The following ASIC2 variants were observed in gnomAD, a reference collection of about 807,000 sequenced individuals.
ASIC2 encodes acid-sensing ion channel 2.
A neutral mutation model predicts 57.3 loss-of-function variants in ASIC2; 25 were observed. The observed-to-expected ratio is 0.44, with a 90% CI of 0.32 to 0.61. The LOEUF (loss-of-function observed/expected upper bound fraction) is 0.61, where lower values mean the gene tolerates loss of function less well. Among genes scored for constraint, ASIC2 ranks in the 20% least tolerant of loss-of-function variants. The pLI is 0.06. For missense variants in ASIC2, 641 were observed against 738.1 expected (o/e 0.87, Z 1.52); for synonymous variants, 319 against 307.5 (o/e 1.04, Z -0.39).
intron 1 of ASIC2, among the ~76,000 whole-genome samples, chr17:33,223,731 C>T (rs756594440): frequency 3.3e-4 from 51 of 152,354 alleles, no homozygotes; most frequent in African/African-American, 1.1e-3. Flanking sequence ...ACCACCATTA[C>T]GGCTCTCTTA....
intron 1 of ASIC2, among the ~76,000 whole-genome samples, chr17:33,351,642 C>T (rs546516266): frequency 2.6e-5 from 4 of 152,264 alleles, no homozygotes; most frequent in South Asian, 2.1e-4. Flanking sequence ...AAGCTGTACT[C>T]GTGATTATGA....
chr17:33,408,953 C>T (rs1291877029), intron 1 of ASIC2, among the ~76,000 whole-genome samples: 1 of 152,172 alleles, frequency 6.6e-6, no homozygotes, highest in Non-Finnish European at 1.5e-5. Flanking sequence ...ATGGCCCATG[C>T]CTGTAATCCC....
chr17:33,206,557 G>T (rs1414520045), intron 1 of ASIC2, among the ~76,000 whole-genome samples: 3 of 152,186 alleles, frequency 2.0e-5, no homozygotes, highest in Admixed American at 6.5e-5. Context: ...CCTCTCAGAT[G>T]TGGTTGGTGG....
At chr17:33,614,804 C>CA (rs1641036147) in intron 1 of ASIC2, among the ~76,000 whole-genome samples, 2 of 152,200 alleles carry the variant, frequency 1.3e-5, no homozygotes. Context: ...GGGAGTATAA[C>CA]AGAGTGGTTA....
chr17:33,770,414 C>A (rs1397033203), intron 1 of ASIC2, among the ~76,000 whole-genome samples: 1 of 152,164 alleles, frequency 6.6e-6, no homozygotes, highest in Non-Finnish European at 1.5e-5. Context: ...GTGGCTGGCA[C>A]AAAATACAGG....
intron 1 of ASIC2, among the ~76,000 whole-genome samples, chr17:33,409,005 G>A (rs1463793661): frequency 6.6e-6 from 1 of 152,182 alleles, no homozygotes; most frequent in African/African-American, 2.4e-5. Context: ...TTTGAGCTCA[G>A]GAGTTCGAGA....
intron 1 of ASIC2, among the ~76,000 whole-genome samples, chr17:34,000,057 T>TA (rs1296798297): frequency 1.3e-5 from 2 of 151,690 alleles, no homozygotes; most frequent in African/African-American, 4.8e-5. Flanking sequence ...ATTGTTGTTT[T>TA]TTTTTTTTCT....
chr17:33,404,557 GTTGCACTCCAGACCC>G (rs1910399701), intron 1 of ASIC2, among the ~76,000 whole-genome samples: 1 of 152,158 alleles, frequency 6.6e-6, no homozygotes, highest in Admixed American at 6.6e-5. Flanking sequence ...CTTCCAATCA[GTTGCACTCCAGACCC>G]TTGCCTAAGA....
chr17:33,083,204 C>T (rs1037619820), intron 3 of ASIC2, among the ~76,000 whole-genome samples: 1 of 152,104 alleles, frequency 6.6e-6, no homozygotes, highest in Non-Finnish European at 1.5e-5. Flanking sequence ...ATAAGCAAGG[C>T]ACTGGGGCCA....
chr17:33,909,583 A>G (rs1373254871), intron 1 of ASIC2, among the ~76,000 whole-genome samples: 1 of 152,166 alleles, frequency 6.6e-6, no homozygotes, highest in Non-Finnish European at 1.5e-5. Flanking sequence ...AGGGGGATGC[A>G]CGTGGTGGGA....
At position 33,668,651 on chromosome 17, in the gene ASIC2, T is replaced by C. The variant is rs532989174; in HGVS notation, c.555+487327A>G. The stretch of plus-strand genomic sequence containing the variant: ...CCTTTTACCACATAAGGTCACATAT[T>C]GACAGGTTCCCAGGATCAGGGCATG... On this transcript the variant is annotated intron_variant, in intron 1 of 9. Transcript: ENST00000359872. Among the ~76,000 whole-genome samples, 4 of 152,328 alleles carry C rather than the reference T, an allele frequency of 2.6e-5. No homozygotes were observed. The South Asian group carries it at 8.3e-4, about 32-fold the overall frequency.
intron 1 of ASIC2, among the ~76,000 whole-genome samples, chr17:33,616,053 A>G (rs1420306449): frequency 6.6e-6 from 1 of 152,242 alleles, no homozygotes; most frequent in African/African-American, 2.4e-5. Context: ...GACACTCTTC[A>G]AAGTGACAAA....
chr17:33,475,685 T>G (rs566754510), intron 1 of ASIC2, among the ~76,000 whole-genome samples: 1 of 152,332 alleles, frequency 6.6e-6, no homozygotes, highest in Admixed American at 6.5e-5. Flanking sequence ...CCAAGTCTTT[T>G]GCAGCTCCTC....
At chr17:33,815,832 C>T (rs1460062867) in intron 1 of ASIC2, among the ~76,000 whole-genome samples, 1 of 152,184 alleles carries the variant, frequency 6.6e-6, no homozygotes, top group Admixed American at 6.5e-5. Context: ...GATGGGGAAA[C>T]TGAGGCCCAG....
At chr17:33,509,543 G>C (rs1234456401) in intron 1 of ASIC2, among the ~76,000 whole-genome samples, 1 of 152,196 alleles carries the variant, frequency 6.6e-6, no homozygotes, top group African/African-American at 2.4e-5. Flanking sequence ...GCCTTGCCCA[G>C]GCTCCAGTTA....
chr17:33,055,534 G>A (rs988363820), intron 3 of ASIC2, among the ~76,000 whole-genome samples: 3 of 152,050 alleles, frequency 2.0e-5, no homozygotes, highest in Non-Finnish European at 2.9e-5. Context: ...TCGTCCTTCC[G>A]CTTGTCCTGC....
chr17:33,707,889 T>C (rs1182988474), intron 1 of ASIC2, among the ~76,000 whole-genome samples: 1 of 152,218 alleles, frequency 6.6e-6, no homozygotes, highest in Non-Finnish European at 1.5e-5. Flanking sequence ...GTAAGACTCT[T>C]CTCTCTGTTG....
chr17:33,566,939 A>T (rs193223931), intron 1 of ASIC2, among the ~76,000 whole-genome samples: 1 of 152,104 alleles, frequency 6.6e-6, no homozygotes, highest in African/African-American at 2.4e-5. Flanking sequence ...CTCTGCTTGG[A>T]ATGCCCTTGC....
intron 1 of ASIC2, among the ~76,000 whole-genome samples, chr17:33,390,250 T>G (rs953455130): frequency 1.3e-5 from 2 of 151,888 alleles, no homozygotes; most frequent in Non-Finnish European, 2.9e-5. Flanking sequence ...GAGCCGGAGG[T>G]TGCAGTGAGC....
Sources: allele counts gnomAD v4.1 joint callset (sites outside exome capture counted in the v4.1 genomes callset), GRCh38; gene constraint gnomAD v4.1.1; transcripts MANE v1.5; gene names NCBI Gene and HGNC (gene_info 2026-07-23, HGNC 2026-07-21).